Variants in SEL1L3 observed in about 807,000 individuals in gnomAD.
SEL1L3 encodes SEL1L family member 3.
Under a neutral mutation model 142.8 loss-of-function variants are expected in SEL1L3, and 76 were observed. The observed-to-expected ratio is 0.53, with a 90% confidence interval of 0.44 to 0.64. The LOEUF (loss-of-function observed/expected upper bound fraction) is 0.64, where lower values mean the gene tolerates loss of function less well. Ranked by LOEUF, SEL1L3 falls within the 30% of genes least tolerant of loss-of-function variation. The probability of loss-of-function intolerance (pLI) is 0.00; values close to 1 mark genes in which losing one functional copy is unlikely to be tolerated. For missense variants in SEL1L3, 1,262 were observed against 1,381.7 expected, an observed-to-expected ratio of 0.91 and a Z score of 1.37; for synonymous variants, 504 against 519.6, an observed-to-expected ratio of 0.97 and a Z score of 0.41.
chr4:25,792,890 G>A (rs1347172684), intron 11 of SEL1L3, among the ~76,000 whole-genome samples: 1 of 152,050 alleles, frequency 6.6e-6, no homozygotes, highest in Non-Finnish European at 1.5e-5. Flanking sequence ...TTTTCTCCTT[G>A]TTTTGTTTCC....
At position 25,862,892 on chromosome 4, in the gene SEL1L3, C is replaced by T. The variant is rs1204448137; in HGVS notation, c.-56G>A. On this transcript the variant is annotated 5_prime_UTR_variant, in exon 1 of 24. Transcript: ENST00000399878. ...GGTCACCTGGTGCAGGGACCGGCCC[C>T]CGCCCGAGGCGCCACCTTCCCGCCC... 1 of 1,036,176 alleles carries T rather than the reference C, an allele frequency of 9.7e-7. No homozygotes were observed. Among genetic ancestry groups the T allele is most frequent in the African/African-American group, 1.7e-5 (1 of 57,972 alleles). 64.2% of individuals were successfully genotyped at this position (1,036,176 alleles called of 1,614,324 possible).
At chr4:25,770,872 C>T (rs1278713786) in intron 17 of SEL1L3, among the ~76,000 whole-genome samples, 1 of 152,208 alleles carries the variant, frequency 6.6e-6, no homozygotes, top group Non-Finnish European at 1.5e-5. Flanking sequence ...ATCTACTGAG[C>T]AGTGAGCTCT....
chr4:25,852,718 A>C (rs1716986658), intron 1 of SEL1L3, among the ~76,000 whole-genome samples: 1 of 152,234 alleles, frequency 6.6e-6, no homozygotes. Context: ...GGTGTATTAA[A>C]TATCACACTT....
intron 9 of SEL1L3, 108 bp from the exon 10 acceptor site, chr4:25,804,860 G>T (rs541113467): frequency 2.1e-4 from 171 of 795,702 alleles, no homozygotes; most frequent in Admixed American, 6.4e-4. Flanking sequence ...TGATATGGTC[G>T]GTCCTGCAGT....
chr4:25,806,870 AT>A lies in SEL1L3; in HGVS notation c.1565-2119del, dbSNP rs540464771. Among the ~76,000 whole-genome samples, 58 of 152,172 alleles carry A rather than the reference AT, an allele frequency of 3.8e-4. No homozygotes were observed. The East Asian group carries it at 0.011, about 29-fold the overall frequency. The stretch of plus-strand genomic sequence containing the variant: ...ACAGCTTGTCGTAAAAAAAAAAAAA[AT>A]TCAAACAATGCAGATTTGTATAAAA... On this transcript the variant is annotated intron_variant, in intron 9 of 23. Transcript: ENST00000399878.
intron 9 of SEL1L3, 74 bp from the exon 10 acceptor site, chr4:25,804,826 A>C: frequency 9.0e-7 from 1 of 1,114,578 alleles, no homozygotes; most frequent in Non-Finnish European, 1.4e-6. Flanking sequence ...AAAGAGGAAA[A>C]GCCAATTAAA....
At chr4:25,757,965 G>GC in intron 21 of SEL1L3, 175 bp from the exon 22 acceptor site, 1 of 602,032 alleles carries the variant, frequency 1.7e-6, no homozygotes, top group Non-Finnish European at 3.0e-6. Flanking sequence ...AAGTGGTTTG[G>GC]CCTGATCTGA....
At chr4:25,863,371 C>T, upstream of SEL1L3, 1 of 669,726 alleles carries the variant, frequency 1.5e-6, no homozygotes. Context: ...TCCTTTTCCT[C>T]CCTTTCCTCT....
intron 2 of SEL1L3, among the ~76,000 whole-genome samples, chr4:25,846,837 A>G (rs1364993457): frequency 7.6e-6 from 1 of 132,124 alleles, no homozygotes; most frequent in East Asian, 2.5e-4. Flanking sequence ...TGAACCTGGG[A>G]GGCGGAGGTT....
intron 16 of SEL1L3, among the ~76,000 whole-genome samples, chr4:25,778,641 T>C (rs1158228071): frequency 1.3e-5 from 2 of 151,960 alleles, no homozygotes; most frequent in African/African-American, 4.8e-5. Flanking sequence ...GTGAGCTGAG[T>C]AGTGGGAGGT....
Position 25,822,020 on chromosome 4 carries a change from G to A in SEL1L3, c.1266C>T (p.Arg422=). ...EGFFGPLKYY[R]LRSLHPAQIF... Reference sequence around the variant, plus strand: ...CCTGGGCGGGGTGCAGACTGCGAAGGCGATAGTACTTCAGGGGTCCAAAAA... The same window carrying A: ...CCTGGGCGGGGTGCAGACTGCGAAGACGATAGTACTTCAGGGGTCCAAAAA... The change falls in exon 7 of 24, where the codon CGC becomes CGT. Residue 422 remains arginine (R), a synonymous_variant. Coordinates refer to ENST00000399878, the MANE Select transcript of SEL1L3 (RefSeq NM_015187.5). 1 of 1,613,848 alleles carries A rather than the reference G, an allele frequency of 6.2e-7. No individual in the cohort carries two copies. The highest frequency in any genetic ancestry group is 8.5e-7 in the Non-Finnish European group (1 of 1,179,860).
intron 1 of SEL1L3, among the ~76,000 whole-genome samples, chr4:25,856,540 A>G (rs988636061): frequency 2.0e-5 from 3 of 151,762 alleles, no homozygotes; most frequent in South Asian, 4.2e-4. Flanking sequence ...CGTCATGCAC[A>G]GTCACAAAAC....
At chr4:25,721,480 C>A in the SEL1L3 span, among the ~76,000 whole-genome samples, 1 of 152,110 alleles carries the variant, frequency 6.6e-6, no homozygotes, top group South Asian at 2.1e-4. Context: ...AAAAAATACA[C>A]CTGACCAGTC....
At chr4:25,821,126 T>C (rs1447768963) in intron 7 of SEL1L3, among the ~76,000 whole-genome samples, 1 of 152,180 alleles carries the variant, frequency 6.6e-6, no homozygotes, top group East Asian at 1.9e-4. Context: ...TGGCATACAG[T>C]AGGTTCTCAA....
intron 17 of SEL1L3, among the ~76,000 whole-genome samples, chr4:25,774,653 A>G (rs1287774392): frequency 6.6e-6 from 1 of 152,214 alleles, no homozygotes; most frequent in African/African-American, 2.4e-5. Context: ...TGAGGTCAGG[A>G]GTTCAAGACC....
chr4:25,849,154 T>G lies in SEL1L3; in HGVS notation c.163-1290A>C, dbSNP rs191346984. On this transcript the variant is annotated intron_variant, in intron 1 of 23. Coordinates refer to ENST00000399878, the MANE Select transcript of SEL1L3 (RefSeq NM_015187.5). ...ACTCCATCTCAAAAAAGAATTATGG[T>G]ATGATCAGACCCAGCAATTCCACTT... 9.9e-5 allele frequency among the ~76,000 whole-genome samples: 15 copies of G among 152,214 alleles called. No individual in the cohort carries two copies. In the East Asian group the frequency reaches 2.7e-3, roughly 27 times the overall value.
At chr4:25,808,366 C>T (rs1713743028) in intron 9 of SEL1L3, among the ~76,000 whole-genome samples, 1 of 152,110 alleles carries the variant, frequency 6.6e-6, no homozygotes, top group Non-Finnish European at 1.5e-5. Flanking sequence ...ATTTATTTTG[C>T]TTTTTTCCCC....
rs553927789 is a variant in SEL1L3 at position 25,816,247 on chromosome 4, T to C, written c.1564+1891A>G. Among the ~76,000 whole-genome samples, 201 of 151,592 alleles carry C rather than the reference T, an allele frequency of 1.3e-3. 2 individuals carry two copies. Among genetic ancestry groups the C allele is most frequent in the African/African-American group, 4.7e-3 (195 of 41,300 alleles). On this transcript the variant is annotated intron_variant, in intron 9 of 23. Transcript: ENST00000399878. ...ACATATACATATATAGATCAATTTA[T>C]TGAACCCAATACTAGAAGACAGATA...
At position 25,776,308 on chromosome 4, in the gene SEL1L3, T is replaced by C. The variant is rs759768940; in HGVS notation, c.2638A>G (p.Lys880Glu). The change falls in exon 17 of 24, where the codon AAA (lysine) becomes GAA (glutamate). Residue 880 changes from lysine to glutamate, a missense_variant. By Grantham distance (56) the Lys-to-Glu change is moderately conservative (BLOSUM62 1). Around this residue, in one of 3 missense-constraint regions of SEL1L3, gnomAD observed 435 missense variants for 559.2 expected, o/e 0.78. Coordinates refer to ENST00000399878, the MANE Select transcript of SEL1L3 (RefSeq NM_015187.5). ...KNGYLGHVIR[K>E]GLNAYLEGSW... The stretch of plus-strand genomic sequence containing the variant: ...CCTTCCAGGTAGGCATTGAGGCCTT[T>C]GCGGATGACATGGCCCAAGTAGCCA... 3 of 1,613,334 alleles carry C rather than the reference T, an allele frequency of 1.9e-6. No individual in the cohort carries two copies. In the South Asian group the frequency reaches 3.3e-5, roughly 18 times the overall value.
Sources: allele counts gnomAD v4.1 joint callset (sites outside exome capture counted in the v4.1 genomes callset), GRCh38; gene constraint gnomAD v4.1.1; regional missense constraint gnomAD v4.1.1; transcripts MANE v1.5; gene names NCBI Gene and HGNC (gene_info 2026-07-23, HGNC 2026-07-21).